ZNF765: variants seen among roughly 807,000 people sequenced by gnomAD.
ZNF765 encodes the protein zinc finger protein 765.
In ZNF765, 37 loss-of-function variants were observed where a neutral mutation model predicts 44.7. The observed-to-expected ratio is 0.83, with a 90% CI of 0.64 to 1.09. The LOEUF is 1.09. Ranked by LOEUF, ZNF765 falls within the 50% of genes least tolerant of loss-of-function variation. ZNF765 has a pLI of 0.00. For missense variants in ZNF765, 594 were observed against 626.1 expected, an observed-to-expected ratio of 0.95 and a Z score of 0.55; for synonymous variants, 201 against 213.7, an observed-to-expected ratio of 0.94 and a Z score of 0.52.
At chr19:53,413,834 A>G (rs1233870579), downstream of ZNF765, among the ~76,000 whole-genome samples, 1 of 151,664 alleles carries the variant, frequency 6.6e-6, no homozygotes, top group African/African-American at 2.4e-5. Flanking sequence ...GTGAAAGGAA[A>G]ATAAAAATTA....
exon 4 of ZNF765, chr19:53,423,487 C>T (rs903840055): frequency 1.3e-5 from 6 of 456,380 alleles, no homozygotes; most frequent in African/African-American, 1.2e-4. Context: ...CCGGAGCTAC[C>T]AAAACCATCC....
At chr19:53,423,995 G>A (rs2147110079) in exon 4 of ZNF765, 1 of 152,686 alleles carries the variant, frequency 6.5e-6, no homozygotes, top group Non-Finnish European at 1.5e-5. Flanking sequence ...TCATTTCTGT[G>A]TCCCTTGGAG....
chr19:53,411,017 TG>T lies in ZNF765; in HGVS notation c.*1891del, dbSNP rs2085828673. 2 of 341,210 alleles carry T rather than the reference TG, an allele frequency of 5.9e-6. No individual in the cohort carries two copies. The highest frequency in any genetic ancestry group is 1.2e-5 in the Non-Finnish European group (2 of 168,572). 21.1% of individuals were successfully genotyped at this position (341,210 alleles called of 1,614,324 possible). A position where few individuals can be genotyped will look rare whatever the true frequency, so the allele number is the denominator to read the frequency against. On this transcript the variant is annotated 3_prime_UTR_variant, in exon 4 of 4. Transcript: ENST00000396408. ...TTGGAGATAGTTGTTCCAAATACAA[TG>T]TGTATAGCAAACCATCAAGCATTAA...
chr19:53,408,064 A>G lies in ZNF765; in HGVS notation c.509A>G (p.Asp170Gly). 6.2e-7 allele frequency: 1 copy of G among 1,614,172 alleles called. No individual in the cohort carries two copies. Among genetic ancestry groups the G allele is most frequent in the East Asian group, 2.2e-5 (1 of 44,870 alleles). The change falls in exon 4 of 4, where the codon GAT becomes GGT. Residue 170 changes from aspartate (D) to glycine (G), a missense_variant. Asp to Gly is a moderately conservative substitution (Grantham distance 94, BLOSUM62 -1). Transcript: ENST00000396408. ...IDNQVVKSIH[D>G]ASLVSTAQRI... ...AATCAAGTTGTGAAGTCTATCCACG[A>G]TGCTTCCTTGGTTTCAACAGCCCAA... is the stretch of plus-strand genomic sequence containing the variant.
At chr19:53,402,842 C>T (rs1227881670) in intron 3 of ZNF765, among the ~76,000 whole-genome samples, 1 of 152,082 alleles carries the variant, frequency 6.6e-6, no homozygotes, top group African/African-American at 2.4e-5. Flanking sequence ...TTACAGGTGC[C>T]AAACCCCATA....
downstream of ZNF765, among the ~76,000 whole-genome samples, chr19:53,414,434 ACCACACACACACAC>A (rs1568785865): frequency 9.7e-5 from 5 of 51,802 alleles, no homozygotes; most frequent in South Asian, 9.0e-4. Flanking sequence ...GACCCTCCCC[ACCACACACACACAC>A]ACACACACAC....
At chr19:53,420,861 G>A (rs997121541) in intron 3 of ZNF765, among the ~76,000 whole-genome samples, 11 of 152,122 alleles carry the variant, frequency 7.2e-5, no homozygotes, top group Non-Finnish European at 1.5e-4. Flanking sequence ...GGAAAGCCAG[G>A]TATTGTCCAA....
chr19:53,414,957 T>C (rs1474884097), downstream of ZNF765, among the ~76,000 whole-genome samples: 2 of 152,244 alleles, frequency 1.3e-5, no homozygotes, highest in African/African-American at 4.8e-5. Flanking sequence ...AATGCGTAGA[T>C]CTATTGCAAC....
intron 1 of ZNF765, among the ~76,000 whole-genome samples, chr19:53,396,183 GAGA>G (rs2085667457): frequency 1.3e-5 from 2 of 152,014 alleles, no homozygotes; most frequent in East Asian, 1.9e-4. Flanking sequence ...TGGTGGCAAG[GAGA>G]ACAGAGGGAG....
In ZNF765 at chr19:53,409,480, A is replaced by C. The variant is rs571634671; in HGVS notation, c.*353A>C. ...GTGTAATGAGTGTGGCAAGACCTTC[A>C]GCCAGACCTCATCCCTTACATGCCA... On this transcript the variant is annotated 3_prime_UTR_variant, in exon 4 of 4. Transcript: ENST00000396408. The C allele has an allele frequency of 1.1e-6, 1 of 914,064 alleles. No homozygotes were observed. Among genetic ancestry groups the C allele is most frequent in the African/African-American group, 1.6e-5 (1 of 61,476 alleles). The allele number at this position is 914,064 out of a possible 1,614,324, so 56.6% of individuals were successfully genotyped here. A position where few individuals can be genotyped will look rare whatever the true frequency, so the allele number is the denominator to read the frequency against.
intron 3 of ZNF765, among the ~76,000 whole-genome samples, chr19:53,420,067 C>T (rs780427270): frequency 1.3e-5 from 2 of 151,480 alleles, no homozygotes; most frequent in Non-Finnish European, 2.9e-5. Context: ...GGTGCAGTGG[C>T]TCATGCCTGT....
rs1460002625 is a variant in ZNF765, at chr19:53,420,943, A to T, written c.143-2119A>T. ...AAAGACCCCTACCCCGACACCCATAAAGGGTCTGTGCTGAGGAGGATTAGT... is the reference window on the plus strand; with the variant it reads ...AAAGACCCCTACCCCGACACCCATATAGGGTCTGTGCTGAGGAGGATTAGT... On this transcript the variant is annotated intron_variant, in intron 3 of 3. Coordinates refer to the ZNF765 transcript ENST00000594030. Among the ~76,000 whole-genome samples the T allele has an allele frequency of 4.6e-5, 7 of 152,220 alleles. No homozygotes were observed. In the East Asian group the frequency reaches 1.4e-3, roughly 29 times the overall value.
intron 1 of ZNF765, among the ~76,000 whole-genome samples, chr19:53,397,410 T>C (rs1375331221): frequency 1.3e-5 from 2 of 152,190 alleles, no homozygotes; most frequent in Non-Finnish European, 2.9e-5. Flanking sequence ...GCTCAATTTT[T>C]GAATTTTTAG....
At position 53,409,182 on chromosome 19, in the gene ZNF765, T is replaced by C; in HGVS notation, c.*55T>C. ...TAACCCTTACATGCCATCGTAGGCTTCATAGTGGAGAGAAACCTTACAAAT... is the reference window on the plus strand; with the variant it reads ...TAACCCTTACATGCCATCGTAGGCTCCATAGTGGAGAGAAACCTTACAAAT... On this transcript the variant is annotated 3_prime_UTR_variant, in exon 4 of 4. Coordinates refer to ENST00000396408, the MANE Select transcript of ZNF765 (RefSeq NM_001040185.3). 2.1e-6 allele frequency: 3 copies of C among 1,456,148 alleles called. No individual in the cohort carries two copies. 90.2% of individuals were successfully genotyped at this position (1,456,148 alleles called of 1,614,324 possible).
rs2147086534 is a variant in ZNF765 at position 53,397,960 on chromosome 19, T to C, written c.-56T>C. ...ACATTCAGGATTGACTTCTAAAGAC[T>C]CTTGGTATGTGAGGAAGAAACCTGG... On this transcript the variant is annotated 5_prime_UTR_variant, in exon 2 of 4. Coordinates refer to ENST00000396408, the MANE Select transcript of ZNF765 (RefSeq NM_001040185.3). 3.7e-6 allele frequency: 6 copies of C among 1,610,038 alleles called. No homozygotes were observed. The highest frequency in any genetic ancestry group is 5.1e-6 in the Non-Finnish European group (6 of 1,179,450).
intron 1 of ZNF765, among the ~76,000 whole-genome samples, chr19:53,395,410 A>G (rs1293097632): frequency 6.6e-6 from 1 of 152,068 alleles, no homozygotes; most frequent in Non-Finnish European, 1.5e-5. Context: ...GCTATAGGGC[A>G]ATGTATACAC....
Position 53,398,042 on chromosome 19 carries a change from T to C in ZNF765, c.15+12T>C. 6.2e-7 allele frequency: 1 copy of C among 1,613,498 alleles called. No homozygotes were observed. The highest frequency in any genetic ancestry group is 1.3e-5 in the African/African-American group (1 of 74,724). ...TGGCTCTTCCTCAGGTGAGATGATA[T>C]TCTTGGTGGATTGTTCTGTCTCCTT... is the stretch of plus-strand genomic sequence containing the variant. On this transcript the variant is annotated intron_variant, in intron 2 of 3. Coordinates refer to ENST00000396408, the MANE Select transcript of ZNF765 (RefSeq NM_001040185.3).
Position 53,410,921 on chromosome 19 carries a change from T to G in ZNF765, c.*1794T>G. On this transcript the variant is annotated 3_prime_UTR_variant, in exon 4 of 4. Transcript: ENST00000396408. Reference sequence around the variant, plus strand: ...AGAGAATGCATACTGGACAGAAATCTTATAAATGTCATCAGTGTGCCAAAG... The same window carrying G: ...AGAGAATGCATACTGGACAGAAATCGTATAAATGTCATCAGTGTGCCAAAG... 2.3e-6 allele frequency: 1 copy of G among 432,924 alleles called. No homozygotes were observed. The highest frequency in any genetic ancestry group is 4.7e-6 in the Non-Finnish European group (1 of 212,802). 26.8% of individuals were successfully genotyped at this position (432,924 alleles called of 1,614,324 possible).
At chr19:53,422,379 A>G (rs2085912509) in intron 3 of ZNF765, among the ~76,000 whole-genome samples, 1 of 152,136 alleles carries the variant, frequency 6.6e-6, no homozygotes, top group Non-Finnish European at 1.5e-5. Flanking sequence ...TGTCTTTATA[A>G]TGGTGGTACC....
Sources: allele counts gnomAD v4.1 joint callset (sites outside exome capture counted in the v4.1 genomes callset), GRCh38; gene constraint gnomAD v4.1.1; transcripts MANE v1.5; gene names NCBI Gene and HGNC (gene_info 2026-07-23, HGNC 2026-07-21).